OSBPL6: variants seen among roughly 807,000 people sequenced by gnomAD.
The protein encoded by OSBPL6 is oxysterol binding protein like 6.
OSBPL6 carries 49 observed loss-of-function variants against 125.8 expected under a neutral mutation model. That is an observed-to-expected ratio of 0.39 (90% confidence interval 0.31 to 0.49). OSBPL6 has a LOEUF of 0.49. Ranked by LOEUF, OSBPL6 falls within the 20% of genes least tolerant of loss-of-function variation. OSBPL6 has a pLI of 0.88. For synonymous variants in OSBPL6, 394 were observed against 391.8 expected (o/e 1.01, Z -0.07); for missense variants, 986 against 1,135.4 (o/e 0.87, Z 1.89).
At chr2:178,314,136 C>G (rs868521662) in intron 3 of OSBPL6, among the ~76,000 whole-genome samples, 2 of 152,222 alleles carry the variant, frequency 1.3e-5, no homozygotes, top group Non-Finnish European at 2.9e-5. Flanking sequence ...ATAACTAAAT[C>G]ACTACTTTGA....
chr2:178,235,971 A>G (rs997476851), intron 1 of OSBPL6, among the ~76,000 whole-genome samples: 1 of 152,336 alleles, frequency 6.6e-6, no homozygotes, highest in East Asian at 1.9e-4. Flanking sequence ...CAGGAGGTAC[A>G]TGTGCAGGCT....
intron 12 of OSBPL6, among the ~76,000 whole-genome samples, chr2:178,357,063 C>G (rs991041768): frequency 6.6e-6 from 1 of 152,188 alleles, no homozygotes; most frequent in Non-Finnish European, 1.5e-5. Flanking sequence ...TGGACCCTTC[C>G]TTACACCTTA....
rs1165225890 is a variant in OSBPL6, at chr2:178,233,027, G to A, written c.-351+38353G>A. 2.0e-5 allele frequency among the ~76,000 whole-genome samples: 3 copies of A among 152,166 alleles called. No homozygotes were observed. The East Asian group carries it at 5.8e-4, about 29-fold the overall frequency. On this transcript the variant is annotated intron_variant, in intron 1 of 24. Transcript: ENST00000190611. ...ATACAAAGCTAATTCCTGATGGCCT[G>A]AGTAGAAACACCCCATGGTGTACTG... is the stretch of plus-strand genomic sequence containing the variant.
rs1469416555 is a variant in OSBPL6 at position 178,395,971 on chromosome 2, C to CA, written c.*412_*413insA. 4.8e-5 allele frequency: 17 copies of CA among 355,678 alleles called. No individual in the cohort carries two copies. The highest frequency in any genetic ancestry group is 3.8e-4 in the Admixed American group (10 of 26,402). The allele number at this position is 355,678 out of a possible 1,614,324, so 22.0% of individuals were successfully genotyped here. ...ACTGTCTGGAAGCACCATCCCCTAT[C>CA]GCAGGACTCCTGGGCCACAAGCAGT... On this transcript the variant is annotated 3_prime_UTR_variant, in exon 25 of 25. Coordinates refer to ENST00000190611, the MANE Select transcript of OSBPL6 (RefSeq NM_032523.4).
At chr2:178,218,949 G>A (rs906165143) in intron 1 of OSBPL6, among the ~76,000 whole-genome samples, 12 of 151,946 alleles carry the variant, frequency 7.9e-5, no homozygotes, top group African/African-American at 2.9e-4. Flanking sequence ...CTTTTTATTA[G>A]ACCTGAATTT....
chr2:178,354,910 T>C (rs140274295), intron 12 of OSBPL6, among the ~76,000 whole-genome samples: 3,739 of 152,144 alleles, frequency 0.025, 149 homozygotes, highest in African/African-American at 0.084. Flanking sequence ...TGCAATCAAA[T>C]TAGAACTCAG....
At chr2:178,317,840 C>A (rs1221176367) in intron 3 of OSBPL6, among the ~76,000 whole-genome samples, 2 of 151,688 alleles carry the variant, frequency 1.3e-5, no homozygotes, top group Non-Finnish European at 2.9e-5. Context: ...TACAGATTAA[C>A]TTTAGTATTA....
intron 23 of OSBPL6, among the ~76,000 whole-genome samples, chr2:178,393,822 G>T (rs1695613146): frequency 1.3e-5 from 2 of 151,512 alleles, no homozygotes; most frequent in Middle Eastern, 3.4e-3. Flanking sequence ...CATCAGTTTT[G>T]CCCTCTCCAG....
At chr2:178,301,914 G>C (rs772699773) in intron 2 of OSBPL6, among the ~76,000 whole-genome samples, 1 of 152,128 alleles carries the variant, frequency 6.6e-6, no homozygotes, top group Non-Finnish European at 1.5e-5. Context: ...TAAGCCTCTT[G>C]GAAGCAGAGA....
intron 1 of OSBPL6, among the ~76,000 whole-genome samples, chr2:178,196,655 A>G (rs892759365): frequency 6.6e-6 from 1 of 152,216 alleles, no homozygotes; most frequent in Non-Finnish European, 1.5e-5. Context: ...TCTTAGTACC[A>G]CCACAGATAC....
At chr2:178,255,343 CAG>C (rs2091848366) in intron 1 of OSBPL6, among the ~76,000 whole-genome samples, 3 of 152,162 alleles carry the variant, frequency 2.0e-5, no homozygotes, top group Non-Finnish European at 4.4e-5. Context: ...AAAACAAAAA[CAG>C]AGCGTGTGCA....
chr2:178,349,540 G>A (rs1446855609), intron 12 of OSBPL6, 151 bp downstream of exon 12: 1 of 867,536 alleles, frequency 1.2e-6, no homozygotes, highest in African/African-American at 1.7e-5. Context: ...AATGCAACAG[G>A]ACATGATGCT....
At chr2:178,205,713 G>A (rs1371343362) in intron 1 of OSBPL6, among the ~76,000 whole-genome samples, 9 of 152,166 alleles carry the variant, frequency 5.9e-5, no homozygotes, top group Non-Finnish European at 7.3e-5. Context: ...TTAGGTCAGC[G>A]ACTTGGACAA....
Position 178,391,215 on chromosome 2 carries a change from C to T in OSBPL6, c.2444C>T (p.Pro815Leu). 6.2e-7 allele frequency: 1 copy of T among 1,602,024 alleles called. No individual in the cohort carries two copies. Among genetic ancestry groups the T allele is most frequent in the Admixed American group, 1.7e-5 (1 of 57,354 alleles). Reference protein sequence around the residue: ...VAPSAKCIWRPGSMPTNYELY... With the variant: ...VAPSAKCIWRLGSMPTNYELY... ...CCCTCTGCAAAGTGCATTTGGAGAC[C>T]AGGTGAGAGTGGCCTGAGTGTTCTG... The change falls in exon 22 of 25, where the codon CCA (proline) becomes CTA (leucine). Residue 815 changes from proline to leucine, a missense_variant and splice_region_variant. Pro to Leu is a moderately conservative substitution (Grantham distance 98). This residue lies in a region of OSBPL6 where 843 missense variants were observed against 997.3 expected (regional missense o/e 0.85). Transcript: ENST00000190611.
chr2:178,318,006 G>T lies in OSBPL6; in HGVS notation c.103-6171G>T, dbSNP rs13398164. ...TATGTGCTTATACTCTGGTTGCTGT[G>T]GTTTCCTCTGATTTAGTTATGCTGT... On this transcript the variant is annotated intron_variant, in intron 3 of 24. Transcript: ENST00000190611. Among the ~76,000 whole-genome samples, 1,461 of 152,170 alleles carry T rather than the reference G, an allele frequency of 9.6e-3. 23 individuals are homozygous for T. Among genetic ancestry groups the T allele is most frequent in the African/African-American group, 0.034 (1,395 of 41,496 alleles).
Position 178,331,735 on chromosome 2 carries a change from C to G in OSBPL6, c.372+130C>G, listed in dbSNP as rs1689212960. 5 of 910,834 alleles carry G rather than the reference C, an allele frequency of 5.5e-6. No individual in the cohort carries two copies. In the South Asian group the frequency reaches 7.4e-5, roughly 13 times the overall value. The allele number at this position is 910,834 out of a possible 1,614,324, so 56.4% of individuals were successfully genotyped here. On this transcript the variant is annotated intron_variant, in intron 6 of 24. Transcript: ENST00000190611. ...GCATGTCTGGGCCTGTAAGATTTCA[C>G]AAGCTCCCAAACCTCCATGTTCTAA...
rs138455237 is a variant in OSBPL6 at position 178,389,196 on chromosome 2, T to C, written c.2301+43T>C. 4,540 of 1,584,632 alleles carry C rather than the reference T, an allele frequency of 2.9e-3. 76 individuals carry two copies. The highest frequency in any genetic ancestry group is 0.029 in the African/African-American group (2,125 of 74,290). On this transcript the variant is annotated intron_variant, in intron 21 of 24. Coordinates refer to ENST00000190611, the MANE Select transcript of OSBPL6 (RefSeq NM_032523.4). ...ACAGTAAAGGAAAATGAGTATAAAA[T>C]GCTTCTTAAAGAAGAAATAGAATAA...
At position 178,400,569 on chromosome 2, in the gene OSBPL6, G is replaced by T. The variant is rs1696075088; in HGVS notation, c.*5010G>T. ...CCCAAAGTGCTGGGATTACAGGTGT[G>T]AGCAACCGCGCCTGGACTCAAGTTC... On this transcript the variant is annotated 3_prime_UTR_variant, in exon 25 of 25. Transcript: ENST00000190611. 1 of 152,216 alleles carries T rather than the reference G, an allele frequency of 6.6e-6. No homozygotes were observed. The highest frequency in any genetic ancestry group is 2.1e-4 in the South Asian group (1 of 4,832). The allele number at this position is 152,216 out of a possible 1,614,324, so 9.4% of individuals were successfully genotyped here.
At chr2:178,327,899 T>A (rs1227045275) in intron 4 of OSBPL6, among the ~76,000 whole-genome samples, 3 of 152,126 alleles carry the variant, frequency 2.0e-5, no homozygotes, top group Non-Finnish European at 2.9e-5. Context: ...ATCAAAGTAG[T>A]CTTATTTTGA....
Sources: allele counts gnomAD v4.1 joint callset (sites outside exome capture counted in the v4.1 genomes callset), GRCh38; gene constraint gnomAD v4.1.1; regional missense constraint gnomAD v4.1.1; transcripts MANE v1.5; gene names NCBI Gene and HGNC (gene_info 2026-07-23, HGNC 2026-07-21).